Variants in RXYLT1 observed in about 807,000 individuals in gnomAD.
RXYLT1 encodes the protein ribitol xylosyltransferase 1, also known as ribitol-5-phosphate xylosyltransferase 1.
A neutral mutation model predicts 43.5 loss-of-function variants in RXYLT1; 41 were observed. That is an observed-to-expected ratio of 0.94 (90% CI 0.73 to 1.22). The LOEUF is 1.22. RXYLT1 is among the 50% of genes most tolerant of loss of function. RXYLT1 has a pLI of 0.00. For missense variants in RXYLT1, 514 were observed against 532.0 expected (o/e 0.97, Z 0.33); for synonymous variants, 166 against 194.4 (o/e 0.85, Z 1.21).
chr12:63,799,062 T>A (rs1898096531), intron 3 of RXYLT1, among the ~76,000 whole-genome samples: 1 of 152,308 alleles, frequency 6.6e-6, no homozygotes, highest in African/African-American at 2.4e-5. Context: ...GACCTACACC[T>A]TGGCTTCGCA....
chr12:63,780,765 T>C (rs981356142), intron 1 of RXYLT1, among the ~76,000 whole-genome samples: 1 of 152,206 alleles, frequency 6.6e-6, no homozygotes, highest in Admixed American at 6.5e-5. Context: ...AGGTTTTGTG[T>C]TGGGGAAGAG....
At position 63,780,001 on chromosome 12, in the gene RXYLT1, C is replaced by A. The variant is rs1897633603; in HGVS notation, c.41C>A (p.Ala14Asp). The change falls in exon 1 of 6, where the codon GCC (alanine) becomes GAC (aspartate). Residue 14 changes from alanine to aspartate, a missense_variant. Ala to Asp is a moderately radical substitution (Grantham distance 126). Coordinates refer to ENST00000261234, the MANE Select transcript of RXYLT1 (RefSeq NM_014254.3). The part of the protein sequence containing the change: ...TRKRLCSFLI[A>D]LYCLFSLYAA... ...AAGCGGCTCTGCTCGTTTCTTATCGCCCTGTACTGCCTATTCTCCCTCTAC... is the reference window on the plus strand; with the variant it reads ...AAGCGGCTCTGCTCGTTTCTTATCGACCTGTACTGCCTATTCTCCCTCTAC... 1.9e-6 allele frequency: 3 copies of A among 1,611,532 alleles called. No homozygotes were observed. Among genetic ancestry groups the A allele is most frequent in the Non-Finnish European group, 2.5e-6 (3 of 1,179,088 alleles).
chr12:63,805,353 T>C lies in RXYLT1; in HGVS notation c.863T>C (p.Ile288Thr), dbSNP rs139838391. Reference protein sequence around the residue: ...ENSSRQALMNILKKDGNDKLC... With the variant: ...ENSSRQALMNTLKKDGNDKLC... ...TCATCCAGACAGGCACTAATGAACA[T>C]TTTGAAAAAAGATGGGAACGATAAG... Residue 288 changes from isoleucine (I) to threonine (T), a missense_variant, in exon 5 of 6, where the codon ATT becomes ACT. Coordinates refer to ENST00000261234, the MANE Select transcript of RXYLT1 (RefSeq NM_014254.3). 1.4e-5 allele frequency: 23 copies of C among 1,610,034 alleles called. No individual in the cohort carries two copies. In the African/African-American group the frequency reaches 2.3e-4, roughly 16 times the overall value.
At position 63,780,143 on chromosome 12, in the gene RXYLT1, G is replaced by A. The variant is rs1199386379; in HGVS notation, c.169+14G>A. On this transcript the variant is annotated intron_variant, in intron 1 of 5. Coordinates refer to ENST00000261234, the MANE Select transcript of RXYLT1 (RefSeq NM_014254.3). ...GACGCGGCCGAGGTAGGACTGGGTC[G>A]GCGGCTTCCTTCCGGCTCTGCGCTC... 1.4e-6 allele frequency: 2 copies of A among 1,461,832 alleles called. No individual in the cohort carries two copies. The highest frequency in any genetic ancestry group is 2.8e-5 in the Admixed American group (1 of 35,578). 90.6% of individuals were successfully genotyped at this position (1,461,832 alleles called of 1,614,324 possible).
In RXYLT1 at chr12:63,780,038, C is replaced by T. The variant is rs1298692564; in HGVS notation, c.78C>T (p.His26=). The part of the protein sequence containing the change: ...YCLFSLYAAY[H]VFFGRRRQAP... ...TATTCTCCCTCTACGCTGCCTACCACGTCTTCTTCGGGCGCCGCCGCCAGG... is the reference window on the plus strand; with the variant it reads ...TATTCTCCCTCTACGCTGCCTACCATGTCTTCTTCGGGCGCCGCCGCCAGG... The change falls in exon 1 of 6, where the codon CAC becomes CAT. Residue 26 remains histidine, a synonymous_variant. Coordinates refer to ENST00000261234, the MANE Select transcript of RXYLT1 (RefSeq NM_014254.3). The T allele has an allele frequency of 6.2e-7, 1 of 1,607,766 alleles. No individual in the cohort carries two copies. Among genetic ancestry groups the T allele is most frequent in the Non-Finnish European group, 8.5e-7 (1 of 1,178,062 alleles).
intron 3 of RXYLT1, among the ~76,000 whole-genome samples, chr12:63,794,313 C>T (rs1897981844): frequency 6.6e-6 from 1 of 152,176 alleles, no homozygotes; most frequent in South Asian, 2.1e-4. Flanking sequence ...GAAATGGTTT[C>T]TCCACAGTTC....
chr12:63,782,558 T>G (rs1565898798), intron 2 of RXYLT1: 1 of 456,666 alleles, frequency 2.2e-6, no homozygotes, highest in South Asian at 1.5e-5. Flanking sequence ...TGGCAGCGTT[T>G]CTGCTCATAA....
intron 2 of RXYLT1, among the ~76,000 whole-genome samples, chr12:63,781,399 C>T (rs2136219937): frequency 6.6e-6 from 1 of 152,276 alleles, no homozygotes; most frequent in Admixed American, 6.5e-5. Flanking sequence ...CAGAGCACAG[C>T]TTCATTTATT....
intron 2 of RXYLT1, among the ~76,000 whole-genome samples, chr12:63,783,693 C>T (rs987495570): frequency 6.6e-6 from 1 of 152,312 alleles, no homozygotes; most frequent in African/African-American, 2.4e-5. Flanking sequence ...ATTTCAGAGA[C>T]ACTTCCACAT....
At chr12:63,797,458 A>T (rs1898061000) in intron 3 of RXYLT1, among the ~76,000 whole-genome samples, 1 of 152,198 alleles carries the variant, frequency 6.6e-6, no homozygotes, top group Non-Finnish European at 1.5e-5. Context: ...AGAAGTTAGC[A>T]AGGCAGAAAA....
rs754264841 is a variant in RXYLT1, at chr12:63,805,262, A to G, written c.772A>G (p.Ser258Gly). Reference protein sequence around the residue: ...TYRNFPVVEASWSMLHDERPY... With the variant: ...TYRNFPVVEAGWSMLHDERPY... Reference sequence around the variant, plus strand: ...CAGGAATTTTCCTGTGGTGGAGGCAAGTTGGTCAATGCTGCATGATGAGAG... The same window carrying G: ...CAGGAATTTTCCTGTGGTGGAGGCAGGTTGGTCAATGCTGCATGATGAGAG... Residue 258 changes from serine to glycine, a missense_variant, in exon 5 of 6, where the codon AGT (serine) becomes GGT (glycine). Transcript: ENST00000261234. 3 of 1,603,020 alleles carry G rather than the reference A, an allele frequency of 1.9e-6. No homozygotes were observed. The highest frequency in any genetic ancestry group is 2.5e-6 in the Non-Finnish European group (3 of 1,176,914).
chr12:63,785,384 T>A (rs1897778188), intron 3 of RXYLT1: 2 of 159,384 alleles, frequency 1.3e-5, no homozygotes, highest in South Asian at 4.0e-4. Flanking sequence ...GAAAACATTC[T>A]GTATCTTGGA....
chr12:63,786,371 T>G (rs1897800489), intron 3 of RXYLT1, among the ~76,000 whole-genome samples: 1 of 152,196 alleles, frequency 6.6e-6, no homozygotes, highest in Non-Finnish European at 1.5e-5. Flanking sequence ...CTAGAGATAC[T>G]GCGTGTTCAG....
intron 3 of RXYLT1, among the ~76,000 whole-genome samples, chr12:63,794,009 A>G (rs1346145095): frequency 6.6e-6 from 1 of 152,230 alleles, no homozygotes; most frequent in Admixed American, 6.5e-5. Flanking sequence ...GTAGGCCTCA[A>G]CTACCGAGCA....
At chr12:63,799,386 C>T (rs1262725676) in intron 3 of RXYLT1, among the ~76,000 whole-genome samples, 1 of 149,006 alleles carries the variant, frequency 6.7e-6, no homozygotes, top group Non-Finnish European at 1.5e-5. Context: ...CTCACTGCAG[C>T]CTTGACTTCC....
At chr12:63,787,877 G>T (rs779046699) in intron 3 of RXYLT1, among the ~76,000 whole-genome samples, 17 of 152,148 alleles carry the variant, frequency 1.1e-4, no homozygotes, top group African/African-American at 3.1e-4. Context: ...TGATCCACCC[G>T]CTTCAGCCTC....
At chr12:63,786,202 G>T (rs1242445021) in intron 3 of RXYLT1, among the ~76,000 whole-genome samples, 2 of 152,088 alleles carry the variant, frequency 1.3e-5, no homozygotes, top group African/African-American at 4.8e-5. Flanking sequence ...TTTCAGAAAA[G>T]TTATTAAAAA....
intron 3 of RXYLT1, among the ~76,000 whole-genome samples, chr12:63,798,165 C>G (rs972347310): frequency 6.6e-6 from 1 of 152,116 alleles, no homozygotes; most frequent in East Asian, 1.9e-4. Flanking sequence ...GTAACATGTA[C>G]CTACTCTCTG....
At chr12:63,805,053 T>G in intron 4 of RXYLT1, 181 bp from the exon 5 acceptor site, 1 of 450,708 alleles carries the variant, frequency 2.2e-6, no homozygotes, top group Non-Finnish European at 3.8e-6. Context: ...TGAAATTCAA[T>G]TTTTTTAAGT....
Sources: gnomAD v4.1 joint callset for allele counts (sites outside exome capture counted in the v4.1 genomes callset) on GRCh38, gnomAD v4.1.1 for gene constraint, MANE v1.5 for transcripts, NCBI Gene and HGNC (gene_info 2026-07-23, HGNC 2026-07-21) for gene names.